Variants in NKAIN2 observed in about 807,000 individuals in gnomAD.
The protein encoded by NKAIN2 is sodium/potassium transporting ATPase interacting 2.
In NKAIN2, 14 loss-of-function variants were observed where a neutral mutation model predicts 32.6. That is an observed-to-expected ratio of 0.43 (90% CI 0.28 to 0.67). The LOEUF (loss-of-function observed/expected upper bound fraction) is 0.67, where lower values mean the gene tolerates loss of function less well. Ranked by LOEUF, NKAIN2 falls within the 30% of genes least tolerant of loss-of-function variation. The probability of loss-of-function intolerance (pLI) is 0.17; values close to 1 mark genes in which losing one functional copy is unlikely to be tolerated. For missense variants in NKAIN2, 198 were observed against 258.3 expected (o/e 0.77, Z 1.60); for synonymous variants, 80 against 87.2 (o/e 0.92, Z 0.46).
chr6:124,108,220 G>C (rs567632932), intron 1 of NKAIN2, among the ~76,000 whole-genome samples: 1 of 151,990 alleles, frequency 6.6e-6, no homozygotes, highest in South Asian at 2.1e-4. Context: ...ATCCTAATAG[G>C]TACAAGGTAA....
At chr6:124,139,829 A>T (rs1224292183) in intron 1 of NKAIN2, among the ~76,000 whole-genome samples, 1 of 152,184 alleles carries the variant, frequency 6.6e-6, no homozygotes, top group African/African-American at 2.4e-5. Context: ...GAAGAAGGAT[A>T]TTTATTTCTC....
intron 1 of NKAIN2, among the ~76,000 whole-genome samples, chr6:124,028,904 C>T (rs867666825): frequency 6.3e-5 from 1 of 15,818 alleles, no homozygotes; most frequent in African/African-American, 5.7e-4. Flanking sequence ...TATATATATA[C>T]ACATATATGT....
At chr6:124,597,222 A>G (rs565517825) in intron 3 of NKAIN2, among the ~76,000 whole-genome samples, 145 of 152,296 alleles carry the variant, frequency 9.5e-4, no homozygotes, top group Non-Finnish European at 7.6e-4. Context: ...GCACCATCCC[A>G]ATATGAGACA....
chr6:124,160,447 A>G (rs1372106351), intron 1 of NKAIN2, among the ~76,000 whole-genome samples: 1 of 152,158 alleles, frequency 6.6e-6, no homozygotes, highest in African/African-American at 2.4e-5. Context: ...CATTAAATTT[A>G]TGCACCATTA....
intron 1 of NKAIN2, among the ~76,000 whole-genome samples, chr6:124,116,722 A>T (rs945779180): frequency 2.0e-5 from 3 of 152,136 alleles, no homozygotes; most frequent in Non-Finnish European, 4.4e-5. Context: ...ACATCAAAAC[A>T]TCCGGTAACT....
At chr6:124,587,487 G>A (rs971117547) in intron 3 of NKAIN2, among the ~76,000 whole-genome samples, 2 of 151,824 alleles carry the variant, frequency 1.3e-5, no homozygotes, top group African/African-American at 4.8e-5. Flanking sequence ...CAAAGAGCAG[G>A]GATTACAGAT....
intron 1 of NKAIN2, among the ~76,000 whole-genome samples, chr6:123,998,178 A>C (rs1020993152): frequency 6.6e-6 from 1 of 152,180 alleles, no homozygotes; most frequent in African/African-American, 2.4e-5. Context: ...ATCAAAATAT[A>C]TAACTCAGAA....
rs182135458 is a variant in NKAIN2, at chr6:124,682,132, A to T, written c.474+23746A>T. ...AGCTTTTCATTTTCACCAGTAAAAA[A>T]TGTTTTTTTTTTACAAATAAAAATT... On this transcript the variant is annotated intron_variant, in intron 4 of 6. Coordinates refer to ENST00000368417, the MANE Select transcript of NKAIN2 (RefSeq NM_001040214.3). Among the ~76,000 whole-genome samples the T allele has an allele frequency of 2.0e-3, 310 of 152,064 alleles. 3 individuals are homozygous for T. In the East Asian group the frequency reaches 0.037, roughly 18 times the overall value.
At chr6:124,803,678 C>A (rs569544970) in intron 5 of NKAIN2, among the ~76,000 whole-genome samples, 2 of 152,184 alleles carry the variant, frequency 1.3e-5, no homozygotes, top group African/African-American at 4.8e-5. Flanking sequence ...TCCCTCTGGT[C>A]TCTTCAGCTT....
At chr6:123,900,246 C>T (rs1245293870) in intron 1 of NKAIN2, among the ~76,000 whole-genome samples, 2 of 151,854 alleles carry the variant, frequency 1.3e-5, no homozygotes, top group Admixed American at 6.6e-5. Context: ...CTGAGGCGGG[C>T]GGATCATGAG....
intron 4 of NKAIN2, among the ~76,000 whole-genome samples, chr6:124,682,955 C>T (rs1290530872): frequency 1.3e-5 from 2 of 152,142 alleles, no homozygotes; most frequent in African/African-American, 4.8e-5. Flanking sequence ...TGTCATGCTT[C>T]CGAAGTCGTG....
chr6:124,607,326 A>C (rs1782538180), intron 3 of NKAIN2, among the ~76,000 whole-genome samples: 1 of 152,108 alleles, frequency 6.6e-6, no homozygotes, highest in Admixed American at 6.6e-5. Context: ...TCAGAACCAG[A>C]AGAGGTTCAG....
At chr6:124,208,789 G>T in intron 1 of NKAIN2, among the ~76,000 whole-genome samples, 1 of 150,498 alleles carries the variant, frequency 6.6e-6, no homozygotes, top group Non-Finnish European at 1.5e-5. Context: ...TAATTATTTT[G>T]TTTTTCTATG....
rs1160993563 is a variant in NKAIN2, at chr6:123,911,832, C to G, written c.54+107578C>G. On this transcript the variant is annotated intron_variant, in intron 1 of 6. Transcript: ENST00000368417. ...ATATATACACACACACACACACACA[C>G]ACACACACACACACACACACACACA... Among the ~76,000 whole-genome samples the G allele has an allele frequency of 9.6e-5, 7 of 72,792 alleles. 1 individual carries two copies. Among genetic ancestry groups the G allele is most frequent in the African/African-American group, 3.2e-4 (7 of 21,806 alleles). The allele number at this position is 72,792 out of a possible 152,430, so 47.8% of individuals were successfully genotyped here.
chr6:124,127,255 A>C (rs1582695829), intron 1 of NKAIN2, among the ~76,000 whole-genome samples: 1 of 152,276 alleles, frequency 6.6e-6, no homozygotes, highest in East Asian at 1.9e-4. Flanking sequence ...AAGAGAACAC[A>C]ACACGAGCAT....
chr6:124,682,638 A>T (rs1024967270), intron 4 of NKAIN2, among the ~76,000 whole-genome samples: 7 of 152,190 alleles, frequency 4.6e-5, no homozygotes, highest in African/African-American at 1.4e-4. Context: ...AATATTTGTG[A>T]TAAAATACAA....
At chr6:124,352,710 A>G (rs1424623094) in intron 2 of NKAIN2, among the ~76,000 whole-genome samples, 1 of 152,206 alleles carries the variant, frequency 6.6e-6, no homozygotes, top group Non-Finnish European at 1.5e-5. Context: ...GTGATAAAAC[A>G]TTATAATCAG....
intron 1 of NKAIN2, among the ~76,000 whole-genome samples, chr6:124,262,489 A>G (rs751704513): frequency 5.9e-5 from 9 of 152,228 alleles, no homozygotes; most frequent in African/African-American, 9.6e-5. Flanking sequence ...AGTTGGAAAC[A>G]TTACAGGAAA....
intron 3 of NKAIN2, among the ~76,000 whole-genome samples, chr6:124,435,821 T>C (rs1775417088): frequency 6.6e-6 from 1 of 152,144 alleles, no homozygotes; most frequent in Admixed American, 6.5e-5. Flanking sequence ...TATTAAAAAG[T>C]CCCAAAGCCT....
Sources: gnomAD v4.1 joint callset for allele counts (sites outside exome capture counted in the v4.1 genomes callset) on GRCh38, gnomAD v4.1.1 for gene constraint, MANE v1.5 for transcripts, NCBI Gene and HGNC (gene_info 2026-07-23, HGNC 2026-07-21) for gene names.